Variants in MACROD2 observed in about 807,000 individuals in gnomAD.
The protein encoded by MACROD2 is mono-ADP ribosylhydrolase 2, also known as ADP-ribose glycohydrolase MACROD2.
MACROD2 carries 36 observed loss-of-function variants against 70.4 expected under a neutral mutation model. The observed-to-expected ratio is 0.51, with a 90% confidence interval of 0.39 to 0.68. The LOEUF (loss-of-function observed/expected upper bound fraction) is 0.68. Ranked by LOEUF, MACROD2 falls within the 30% of genes least tolerant of loss-of-function variation. The pLI is 0.00. For missense variants in MACROD2, 496 were observed against 538.4 expected, an observed-to-expected ratio of 0.92 and a Z score of 0.78; for synonymous variants, 172 against 178.8, an observed-to-expected ratio of 0.96 and a Z score of 0.30.
intron 5 of MACROD2, among the ~76,000 whole-genome samples, chr20:14,687,742 A>G (rs2071018459): frequency 6.6e-6 from 1 of 152,218 alleles, no homozygotes; most frequent in Admixed American, 6.5e-5. Context: ...AAATTACCAG[A>G]CAGGCATTGC....
intron 7 of MACROD2, among the ~76,000 whole-genome samples, chr20:15,484,956 G>A (rs80332060): frequency 0.049 from 7,488 of 152,186 alleles, 277 homozygotes; most frequent in Non-Finnish European, 0.07. Context: ...ACAGCAGTTT[G>A]CTCTGTGACC....
intron 5 of MACROD2, among the ~76,000 whole-genome samples, chr20:15,204,858 G>A (rs2076688015): frequency 1.3e-5 from 2 of 152,254 alleles, no homozygotes; most frequent in East Asian, 3.9e-4. Flanking sequence ...GCATAATGAT[G>A]TAGAATCTTC....
At chr20:15,757,267 C>G (rs1378379493) in intron 8 of MACROD2, among the ~76,000 whole-genome samples, 1 of 152,064 alleles carries the variant, frequency 6.6e-6, no homozygotes, top group Non-Finnish European at 1.5e-5. Context: ...GTAGTAGAAA[C>G]AGTAATAGTT....
At chr20:15,376,702 G>A (rs1388130801) in intron 6 of MACROD2, among the ~76,000 whole-genome samples, 7 of 152,092 alleles carry the variant, frequency 4.6e-5, no homozygotes, top group Admixed American at 3.9e-4. Context: ...TGCTGGATAA[G>A]ACTTTTGAAA....
intron 3 of MACROD2, chr20:14,337,475 G>A (rs569720783): frequency 4.7e-4 from 188 of 397,682 alleles, no homozygotes; most frequent in Non-Finnish European, 6.5e-4. Context: ...GTGAATTGGA[G>A]TAATAGCCCT....
At chr20:15,072,284 A>G (rs1175963688) in intron 5 of MACROD2, among the ~76,000 whole-genome samples, 1 of 152,186 alleles carries the variant, frequency 6.6e-6, no homozygotes, top group African/African-American at 2.4e-5. Context: ...ATCTTTCATA[A>G]AGCTTAGAAT....
intron 4 of MACROD2, among the ~76,000 whole-genome samples, chr20:14,600,932 A>G (rs986636742): frequency 6.6e-6 from 1 of 152,202 alleles, no homozygotes; most frequent in African/African-American, 2.4e-5. Flanking sequence ...ATTCCATGGC[A>G]TAGAGAGAGA....
At chr20:14,973,524 A>G in intron 5 of MACROD2, among the ~76,000 whole-genome samples, 1 of 152,100 alleles carries the variant, frequency 6.6e-6, no homozygotes, top group East Asian at 1.9e-4. Flanking sequence ...CACCTGGCCA[A>G]GTATTTGCTT....
chr20:14,642,500 A>G (rs1423170822), intron 4 of MACROD2, among the ~76,000 whole-genome samples: 1 of 152,036 alleles, frequency 6.6e-6, no homozygotes, highest in Non-Finnish European at 1.5e-5. Context: ...TGCCTTTCTC[A>G]CTAGGCTTAA....
chr20:15,549,909 T>C (rs2048073395), intron 8 of MACROD2, among the ~76,000 whole-genome samples: 1 of 152,144 alleles, frequency 6.6e-6, no homozygotes, highest in Non-Finnish European at 1.5e-5. Flanking sequence ...GCGACATTGC[T>C]GCTTCATTCC....
intron 8 of MACROD2, among the ~76,000 whole-genome samples, chr20:15,628,539 T>A (rs560601907): frequency 6.6e-6 from 1 of 152,228 alleles, no homozygotes; most frequent in Non-Finnish European, 1.5e-5. Context: ...TGGTACATAA[T>A]AGACTACCCA....
rs369101091 is a variant in MACROD2 at position 15,594,053 on chromosome 20, G to A, written c.645+94206G>A. ...TGTGTGTTCTTCTGTGGTCAGTGCT[G>A]TCATCCCTGGGAAGAGATTTCAGCA... On this transcript the variant is annotated intron_variant, in intron 8 of 17. Coordinates refer to ENST00000684519, the MANE Select transcript of MACROD2 (RefSeq NM_001351661.2). Among the ~76,000 whole-genome samples, 18 of 152,264 alleles carry A rather than the reference G, an allele frequency of 1.2e-4. No homozygotes were observed. In the East Asian group the frequency reaches 2.3e-3, roughly 20 times the overall value.
intron 5 of MACROD2, among the ~76,000 whole-genome samples, chr20:14,845,142 T>C (rs1181861538): frequency 6.6e-6 from 1 of 152,136 alleles, no homozygotes; most frequent in African/African-American, 2.4e-5. Context: ...TTCATAATCT[T>C]GTCACATCCT....
At chr20:14,930,956 G>A (rs2074290511) in intron 5 of MACROD2, among the ~76,000 whole-genome samples, 1 of 150,576 alleles carries the variant, frequency 6.6e-6, no homozygotes, top group Non-Finnish European at 1.5e-5. Context: ...CTTGAGCCTA[G>A]GAATTCAAGG....
chr20:14,513,467 A>G (rs1348944981), intron 4 of MACROD2, among the ~76,000 whole-genome samples: 3 of 152,110 alleles, frequency 2.0e-5, no homozygotes, highest in Non-Finnish European at 2.9e-5. Context: ...TTCATGAATT[A>G]AATGAGTTAG....
intron 2 of MACROD2, among the ~76,000 whole-genome samples, chr20:14,049,078 C>A (rs896348569): frequency 2.0e-5 from 3 of 150,260 alleles, no homozygotes; most frequent in African/African-American, 7.3e-5. Context: ...GGCTGAAATA[C>A]GTGTTGAAAA....
intron 5 of MACROD2, among the ~76,000 whole-genome samples, chr20:14,823,416 A>G (rs964639825): frequency 8.5e-5 from 13 of 152,080 alleles, no homozygotes; most frequent in African/African-American, 2.4e-4. Context: ...TTTTATCCTC[A>G]TGTTAAAACA....
intron 8 of MACROD2, among the ~76,000 whole-genome samples, chr20:15,502,308 A>G (rs2047374434): frequency 1.3e-5 from 2 of 152,176 alleles, no homozygotes; most frequent in African/African-American, 4.8e-5. Context: ...AGAGAACCAT[A>G]GGAGAAAAGC....
At chr20:15,257,717 A>C (rs1263489378) in intron 6 of MACROD2, among the ~76,000 whole-genome samples, 1 of 152,102 alleles carries the variant, frequency 6.6e-6, no homozygotes, top group Non-Finnish European at 1.5e-5. Flanking sequence ...TATGTATAGC[A>C]CACAATACTT....
Sources: gnomAD v4.1 joint callset for allele counts (sites outside exome capture counted in the v4.1 genomes callset) on GRCh38, gnomAD v4.1.1 for gene constraint, MANE v1.5 for transcripts, NCBI Gene and HGNC (gene_info 2026-07-23, HGNC 2026-07-21) for gene names.